The following PALM2AKAP2 variants were observed in gnomAD, a reference collection of about 807,000 sequenced individuals.
The protein encoded by PALM2AKAP2 is PALM2 and AKAP2 fusion, also known as PALM2-AKAP2 fusion protein.
A neutral mutation model predicts 71.5 loss-of-function variants in PALM2AKAP2; 37 were observed. The observed-to-expected ratio is 0.52, with a 90% CI of 0.40 to 0.68. The LOEUF is 0.68. Among genes scored for constraint, PALM2AKAP2 ranks in the 30% least tolerant of loss-of-function variants. The pLI is 0.00. For synonymous variants in PALM2AKAP2, 468 were observed against 478.8 expected (o/e 0.98, Z 0.29); for missense variants, 1,224 against 1,191.8 (o/e 1.03, Z -0.40).
At chr9:109,844,997 AG>A (rs1828817277) in intron 1 of PALM2AKAP2, among the ~76,000 whole-genome samples, 1 of 151,170 alleles carries the variant, frequency 6.6e-6, no homozygotes, top group South Asian at 2.1e-4. Context: ...ACGCTCTGGT[AG>A]GGGGGTTTCA....
At chr9:110,015,178 G>A (rs907464194) in intron 6 of PALM2AKAP2, among the ~76,000 whole-genome samples, 1 of 152,106 alleles carries the variant, frequency 6.6e-6, no homozygotes, top group African/African-American at 2.4e-5. Flanking sequence ...TAGATATATT[G>A]AGAACACAGA....
At chr9:109,904,554 G>A (rs1467629392) in intron 3 of PALM2AKAP2, among the ~76,000 whole-genome samples, 1 of 152,142 alleles carries the variant, frequency 6.6e-6, no homozygotes, top group African/African-American at 2.4e-5. Context: ...AACAAATCTA[G>A]TCTGTCTTGA....
chr9:109,816,672 G>A (rs1378848997), intron 1 of PALM2AKAP2, among the ~76,000 whole-genome samples: 1 of 152,226 alleles, frequency 6.6e-6, no homozygotes, highest in Non-Finnish European at 1.5e-5. Flanking sequence ...CCGGATGATG[G>A]TGGGATTTCA....
At chr9:109,909,173 C>A (rs1830517211) in intron 3 of PALM2AKAP2, among the ~76,000 whole-genome samples, 1 of 152,290 alleles carries the variant, frequency 6.6e-6, no homozygotes, top group Non-Finnish European at 1.5e-5. Flanking sequence ...CACACACACA[C>A]ACACACACCT....
At chr9:109,710,376 C>T (rs1828214210) in intron 1 of PALM2AKAP2, among the ~76,000 whole-genome samples, 1 of 152,224 alleles carries the variant, frequency 6.6e-6, no homozygotes, top group African/African-American at 2.4e-5. Flanking sequence ...GCACAAACTA[C>T]ACCACAATTT....
chr9:110,005,188 G>A (rs573430614), intron 6 of PALM2AKAP2, among the ~76,000 whole-genome samples: 68 of 152,296 alleles, frequency 4.5e-4, no homozygotes, highest in African/African-American at 1.6e-3. Context: ...TGATGGTGAT[G>A]TACAGATGGG....
At chr9:109,926,227 T>C (rs898600757) in intron 5 of PALM2AKAP2, among the ~76,000 whole-genome samples, 31 of 152,212 alleles carry the variant, frequency 2.0e-4, no homozygotes, top group Non-Finnish European at 3.8e-4. Flanking sequence ...GCATGAAGGA[T>C]AGTTCTGACT....
chr9:109,863,850 T>G (rs1159258259), intron 1 of PALM2AKAP2, among the ~76,000 whole-genome samples: 1 of 151,872 alleles, frequency 6.6e-6, no homozygotes, highest in Non-Finnish European at 1.5e-5. Context: ...GAGACTGAGG[T>G]GGGTGGATCA....
At chr9:110,168,431 G>C in exon 4 of PALM2AKAP2, 2 of 1,614,146 alleles carry the variant, frequency 1.2e-6, no homozygotes, top group Non-Finnish European at 1.7e-6. Flanking sequence ...ATCGAAGAAA[G>C]AGCGCACTGG....
At chr9:110,025,388 CG>C in intron 7 of PALM2AKAP2, 1 of 827,674 alleles carries the variant, frequency 1.2e-6, no homozygotes. Context: ...ATGGAGGTTC[CG>C]CCCGAAAGGC....
chr9:109,862,808 G>GT (rs890480588), intron 1 of PALM2AKAP2: 112 of 463,284 alleles, frequency 2.4e-4, no homozygotes, highest in African/African-American at 2.0e-3. Context: ...TAGATGAATT[G>GT]TTTTTTGTCA....
chr9:110,131,222 G>T (rs1268268484), intron 1 of PALM2AKAP2, among the ~76,000 whole-genome samples: 1 of 152,226 alleles, frequency 6.6e-6, no homozygotes, highest in Non-Finnish European at 1.5e-5. Context: ...GAATTTAGTG[G>T]GAAGGGCAGG....
chr9:110,162,256 A>AT, intron 3 of PALM2AKAP2, 124 bp downstream of exon 10: 1 of 1,437,064 alleles, frequency 7.0e-7, no homozygotes, highest in Non-Finnish European at 9.7e-7. Context: ...CTCCATATGT[A>AT]TTTTTTTGTG....
intron 1 of PALM2AKAP2, among the ~76,000 whole-genome samples, chr9:109,749,682 C>T (rs1828857216): frequency 6.6e-6 from 1 of 152,094 alleles, no homozygotes; most frequent in South Asian, 2.1e-4. Context: ...GACCATTTTG[C>T]TGTTGTCTAA....
At chr9:109,735,442 A>C (rs1047959047) in intron 1 of PALM2AKAP2, among the ~76,000 whole-genome samples, 3 of 151,996 alleles carry the variant, frequency 2.0e-5, no homozygotes, top group African/African-American at 7.3e-5. Context: ...AGGCAGTTTC[A>C]TGGGACAAAC....
chr9:109,706,956 T>C (rs1306924798), intron 1 of PALM2AKAP2, among the ~76,000 whole-genome samples: 1 of 152,220 alleles, frequency 6.6e-6, no homozygotes, highest in Non-Finnish European at 1.5e-5. Flanking sequence ...AAAAATATTC[T>C]AAATTTAGAT....
chr9:109,712,922 A>G (rs543924061), intron 1 of PALM2AKAP2, among the ~76,000 whole-genome samples: 251 of 152,342 alleles, frequency 1.6e-3, no homozygotes, highest in Non-Finnish European at 3.2e-3. Flanking sequence ...CTTATGCAAC[A>G]TTTGGTCCTA....
At chr9:110,160,515 G>T (rs1836570743) in intron 3 of PALM2AKAP2, among the ~76,000 whole-genome samples, 1 of 152,206 alleles carries the variant, frequency 6.6e-6, no homozygotes, top group Non-Finnish European at 1.5e-5. Context: ...GGGCACAAAT[G>T]ATGGGCTATT....
At chr9:109,890,431 G>A (rs937296402) in intron 3 of PALM2AKAP2, among the ~76,000 whole-genome samples, 2 of 152,162 alleles carry the variant, frequency 1.3e-5, no homozygotes, top group African/African-American at 4.8e-5. Flanking sequence ...ACAGCGAACG[G>A]GTGATAAAAT....
Sources: allele counts gnomAD v4.1 joint callset (sites outside exome capture counted in the v4.1 genomes callset), GRCh38; gene constraint gnomAD v4.1.1; transcripts MANE v1.5; gene names NCBI Gene and HGNC (gene_info 2026-07-23, HGNC 2026-07-21).